TTC29: variants seen among roughly 807,000 people sequenced by gnomAD.
The protein encoded by TTC29 is tetratricopeptide repeat protein 29.
A neutral mutation model predicts 58.1 loss-of-function variants in TTC29; 49 were observed. The ratio of observed to expected loss-of-function variants is 0.84; its 90% CI spans 0.67 to 1.07. The LOEUF is 1.07. Ranked by LOEUF, TTC29 falls within the 50% of genes least tolerant of loss-of-function variation. The probability of loss-of-function intolerance (pLI) is 0.00; values close to 1 mark genes in which losing one functional copy is unlikely to be tolerated. For missense variants in TTC29, 582 were observed against 555.6 expected (o/e 1.05, Z -0.48); for synonymous variants, 209 against 196.8 (o/e 1.06, Z -0.52).
intron 6 of TTC29, among the ~76,000 whole-genome samples, chr4:146,890,536 C>A (rs564192123): frequency 3.3e-5 from 5 of 152,274 alleles, no homozygotes; most frequent in Non-Finnish European, 4.4e-5. Context: ...CACCTGGGAG[C>A]CCGTGCCCAT....
rs1407352083 is a variant in TTC29, at chr4:146,706,668, C to T, written c.*490G>A. On this transcript the variant is annotated 3_prime_UTR_variant, in exon 13 of 13. Coordinates refer to ENST00000325106, the MANE Select transcript of TTC29 (RefSeq NM_031956.4). ...ATTATGTGCTATCAGCTAAAAGTAT[C>T]ATAAAATATACTGTTACACAGGTAA... is the stretch of plus-strand genomic sequence containing the variant. 1 of 152,108 alleles carries T rather than the reference C, an allele frequency of 6.6e-6. No homozygotes were observed. Among genetic ancestry groups the T allele is most frequent in the Non-Finnish European group, 1.5e-5 (1 of 68,056 alleles). The allele number at this position is 152,108 out of a possible 1,614,324, so 9.4% of individuals were successfully genotyped here. A position where few individuals can be genotyped will look rare whatever the true frequency, so the allele number is the denominator to read the frequency against.
chr4:146,785,560 C>T (rs546932365), intron 11 of TTC29, among the ~76,000 whole-genome samples: 1 of 152,314 alleles, frequency 6.6e-6, no homozygotes, highest in East Asian at 1.9e-4. Context: ...AAAGACTTAT[C>T]TCCTTAATGA....
chr4:146,928,828 T>C (rs969463662), intron 4 of TTC29, among the ~76,000 whole-genome samples: 2 of 152,188 alleles, frequency 1.3e-5, no homozygotes, highest in Non-Finnish European at 2.9e-5. Context: ...CACAACAGCC[T>C]TGAGTGATCC....
chr4:146,710,283 G>A (rs1401435060), intron 11 of TTC29, among the ~76,000 whole-genome samples: 1 of 152,092 alleles, frequency 6.6e-6, no homozygotes, highest in Non-Finnish European at 1.5e-5. Flanking sequence ...CATTACTATA[G>A]TGAATATTGT....
At chr4:146,750,308 T>C (rs1579588288) in intron 11 of TTC29, among the ~76,000 whole-genome samples, 1 of 152,260 alleles carries the variant, frequency 6.6e-6, no homozygotes, top group South Asian at 2.1e-4. Flanking sequence ...CGCCCGGCCC[T>C]ATACCTGCCT....
chr4:146,750,468 C>T (rs1745899251), intron 11 of TTC29, among the ~76,000 whole-genome samples: 1 of 152,122 alleles, frequency 6.6e-6, no homozygotes, highest in Non-Finnish European at 1.5e-5. Flanking sequence ...ATGTTAATCA[C>T]ATATACATCT....
At chr4:146,813,213 C>T (rs749880105) in intron 10 of TTC29, among the ~76,000 whole-genome samples, 33 of 152,168 alleles carry the variant, frequency 2.2e-4, no homozygotes, top group Non-Finnish European at 4.3e-4. Context: ...AAATCATTTC[C>T]TACCCATTTT....
intron 4 of TTC29, among the ~76,000 whole-genome samples, chr4:146,914,485 T>C (rs553594392): frequency 6.6e-6 from 1 of 152,274 alleles, no homozygotes; most frequent in East Asian, 1.9e-4. Flanking sequence ...GATGCCATGA[T>C]ACTGGATGAA....
intron 2 of TTC29, 80 bp from the exon 3 acceptor site, chr4:146,939,981 A>G: frequency 7.3e-7 from 1 of 1,363,418 alleles, no homozygotes; most frequent in Non-Finnish European, 1.0e-6. Context: ...TTAGAGATTT[A>G]CAGTCTGTCA....
chr4:146,897,886 C>A (rs919329714), intron 6 of TTC29, among the ~76,000 whole-genome samples: 2 of 152,176 alleles, frequency 1.3e-5, no homozygotes, highest in Admixed American at 6.5e-5. Flanking sequence ...GGTCTAGTAG[C>A]AGAGTTGTTG....
chr4:146,767,924 C>A (rs2150070544), intron 11 of TTC29, among the ~76,000 whole-genome samples: 1 of 152,080 alleles, frequency 6.6e-6, no homozygotes, highest in Middle Eastern at 3.4e-3. Context: ...GCTTCCTTAC[C>A]TTTAAAATTC....
chr4:146,935,873 C>A (rs955360605), intron 4 of TTC29, among the ~76,000 whole-genome samples: 1 of 152,178 alleles, frequency 6.6e-6, no homozygotes, highest in Non-Finnish European at 1.5e-5. Context: ...ACAGACTATG[C>A]ATAATTCTTC....
At chr4:146,931,409 G>T (rs1735327434) in intron 4 of TTC29, among the ~76,000 whole-genome samples, 1 of 152,126 alleles carries the variant, frequency 6.6e-6, no homozygotes, top group Non-Finnish European at 1.5e-5. Flanking sequence ...AAAGAAAAAT[G>T]AGCAATGATA....
At chr4:146,811,360 ATCT>A (rs970975661) in intron 10 of TTC29, among the ~76,000 whole-genome samples, 2 of 152,148 alleles carry the variant, frequency 1.3e-5, no homozygotes, top group African/African-American at 4.8e-5. Flanking sequence ...CCACCCCCAA[ATCT>A]TCTAAAAATC....
intron 11 of TTC29, among the ~76,000 whole-genome samples, chr4:146,769,998 C>T (rs377213948): frequency 3.3e-5 from 5 of 151,850 alleles, no homozygotes; most frequent in East Asian, 1.9e-4. Flanking sequence ...CTAGAGAAGC[C>T]GATGATTTGC....
chr4:146,726,737 G>A (rs1743812166), intron 11 of TTC29, among the ~76,000 whole-genome samples: 1 of 152,060 alleles, frequency 6.6e-6, no homozygotes. Flanking sequence ...ACTCACATAA[G>A]GGTTTGAACT....
At chr4:146,739,273 C>T (rs1473306049) in intron 11 of TTC29, among the ~76,000 whole-genome samples, 1 of 152,110 alleles carries the variant, frequency 6.6e-6, no homozygotes, top group African/African-American at 2.4e-5. Flanking sequence ...GATTTTCTGC[C>T]TTTACTGAGG....
intron 8 of TTC29, among the ~76,000 whole-genome samples, chr4:146,840,180 T>C (rs530696126): frequency 6.6e-6 from 1 of 151,832 alleles, no homozygotes; most frequent in South Asian, 2.1e-4. Flanking sequence ...TTTTTTTTTT[T>C]TTTGGTCTAC....
intron 4 of TTC29, among the ~76,000 whole-genome samples, chr4:146,917,652 T>G (rs1734325617): frequency 1.1e-5 from 1 of 91,668 alleles, no homozygotes; most frequent in South Asian, 3.8e-4. Flanking sequence ...TATTATATAT[T>G]TATATAAAAT....
Sources: allele counts gnomAD v4.1 joint callset (sites outside exome capture counted in the v4.1 genomes callset), GRCh38; gene constraint gnomAD v4.1.1; transcripts MANE v1.5; gene names NCBI Gene and HGNC (gene_info 2026-07-23, HGNC 2026-07-21).